The following PSPC1 variants were observed in gnomAD, a reference collection of about 807,000 sequenced individuals.
PSPC1 encodes the protein paraspeckle protein 1.
In PSPC1, 14 loss-of-function variants were observed where a neutral mutation model predicts 51.6. That is an observed-to-expected ratio of 0.27 (90% confidence interval 0.18 to 0.42). The LOEUF is 0.42. Among genes scored for constraint, PSPC1 ranks in the 10% least tolerant of loss-of-function variants. The probability of loss-of-function intolerance (pLI) is 1.00; values close to 1 mark genes in which losing one functional copy is unlikely to be tolerated. For missense variants in PSPC1, 406 were observed against 701.1 expected, an observed-to-expected ratio of 0.58 and a Z score of 4.75; for synonymous variants, 193 against 231.9, an observed-to-expected ratio of 0.83 and a Z score of 1.53.
downstream of PSPC1, chr13:19,699,316 T>G (rs1010682732): frequency 4.1e-5 from 4 of 97,722 alleles, no homozygotes; most frequent in South Asian, 9.0e-4. Flanking sequence ...TAAATTTTTT[T>G]CTGCATTTTT....
intron 3 of PSPC1, among the ~76,000 whole-genome samples, chr13:19,752,009 G>T (rs2138134542): frequency 6.6e-6 from 1 of 152,282 alleles, no homozygotes; most frequent in African/African-American, 2.4e-5. Context: ...AGTGAGCTGA[G>T]ATCCTGCCAC....
Position 19,782,179 on chromosome 13 carries a change from C to T in PSPC1, c.372+207G>A, listed in dbSNP as rs978000174. ...CAGAAAACGGCGGCCACTGTGAGCG[C>T]AGGAAATCCCGGGACCGTGAACTCG... On this transcript the variant is annotated intron_variant, in intron 1 of 8. Transcript: ENST00000338910. This position sits in a 1 kb window ranked among gnomAD's most constrained non-coding sequence, Gnocchi z 4.5. 1.3e-5 allele frequency among the ~76,000 whole-genome samples: 2 copies of T among 152,218 alleles called. No individual in the cohort carries two copies. Among genetic ancestry groups the T allele is most frequent in the African/African-American group, 4.8e-5 (2 of 41,462 alleles).
chr13:19,732,567 A>C (rs1884247942), intron 5 of PSPC1, among the ~76,000 whole-genome samples: 1 of 152,226 alleles, frequency 6.6e-6, no homozygotes, highest in Non-Finnish European at 1.5e-5. Flanking sequence ...TTCACATAAC[A>C]GGAGTTCAGA....
intron 6 of PSPC1, among the ~76,000 whole-genome samples, chr13:19,691,460 C>A (rs1031467843): frequency 1.3e-5 from 2 of 152,086 alleles, no homozygotes; most frequent in South Asian, 4.1e-4. Context: ...GAGTTTGAGG[C>A]TGCGGTGAGC....
chr13:19,747,467 C>G (rs538680684), intron 4 of PSPC1, among the ~76,000 whole-genome samples: 1 of 151,996 alleles, frequency 6.6e-6, no homozygotes, highest in African/African-American at 2.4e-5. Flanking sequence ...CAAGTAGCTG[C>G]AACTACAGAC....
At chr13:19,685,453 G>A (rs1877755926) in intron 6 of PSPC1, among the ~76,000 whole-genome samples, 1 of 152,176 alleles carries the variant, frequency 6.6e-6, no homozygotes, top group African/African-American at 2.4e-5. Context: ...TAGACAAATG[G>A]CCTGTTCACT....
At chr13:19,753,706 G>A (rs989588202) in intron 3 of PSPC1, among the ~76,000 whole-genome samples, 2 of 152,176 alleles carry the variant, frequency 1.3e-5, no homozygotes, top group Non-Finnish European at 2.9e-5. Context: ...GGGTGGGTAT[G>A]ACAAATCTAG....
At chr13:19,728,012 G>A (rs1319874924) in intron 6 of PSPC1, among the ~76,000 whole-genome samples, 1 of 152,122 alleles carries the variant, frequency 6.6e-6, no homozygotes, top group East Asian at 1.9e-4. Context: ...TGTCTTCTAA[G>A]GAAAAATCAA....
chr13:19,738,764 A>G lies in PSPC1; in HGVS notation c.1052+2801T>C, dbSNP rs143812917. The stretch of plus-strand genomic sequence containing the variant: ...CTACTAAAAATACAAAAAAATAGCC[A>G]GGCATGGTGGCACGCGTCTATAGTC... On this transcript the variant is annotated intron_variant, in intron 5 of 8. Coordinates refer to ENST00000338910, the MANE Select transcript of PSPC1 (RefSeq NM_001354909.2). Among the ~76,000 whole-genome samples the G allele has an allele frequency of 4.6e-3, 707 of 152,048 alleles. 5 individuals are homozygous for G. The highest frequency in any genetic ancestry group is 0.027 in the South Asian group (128 of 4,814).
chr13:19,725,177 A>G (rs1002018309), intron 6 of PSPC1, among the ~76,000 whole-genome samples: 8 of 152,098 alleles, frequency 5.3e-5, no homozygotes, highest in Non-Finnish European at 1.0e-4. Flanking sequence ...ACTCCATCTC[A>G]AAAACGAAAA....
intron 7 of PSPC1, among the ~76,000 whole-genome samples, chr13:19,676,162 T>G (rs1876613572): frequency 6.6e-6 from 1 of 152,218 alleles, no homozygotes; most frequent in African/African-American, 2.4e-5. Flanking sequence ...ACAATTTTTT[T>G]TCCTTTCCCA....
rs148331313 is a variant in PSPC1 at position 19,692,941 on chromosome 13, G to A, written c.1159-15118C>T. On this transcript the variant is annotated intron_variant and NMD_transcript_variant, in intron 6 of 7. Coordinates refer to the PSPC1 transcript ENST00000471658. ...TCTCTGCTCCAGAACATTGTTTCCA[G>A]TCCAGTCACTCTTACATTTAACATA... 1.1e-3 allele frequency among the ~76,000 whole-genome samples: 173 copies of A among 152,276 alleles called. 1 individual carries two copies. Among genetic ancestry groups the A allele is most frequent in the Non-Finnish European group, 1.3e-3 (87 of 68,026 alleles).
At chr13:19,706,573 T>C (rs978010585) in intron 7 of PSPC1, among the ~76,000 whole-genome samples, 1 of 152,160 alleles carries the variant, frequency 6.6e-6, no homozygotes, top group Non-Finnish European at 1.5e-5. Context: ...TTTCAAGTTT[T>C]TTCATTAAAA....
chr13:19,676,738 C>T (rs1022450406), intron 7 of PSPC1, among the ~76,000 whole-genome samples: 1 of 152,098 alleles, frequency 6.6e-6, no homozygotes, highest in Non-Finnish European at 1.5e-5. Context: ...TTTAGTATCA[C>T]CAGACAAAAG....
chr13:19,730,961 A>AAAAAAAAAC (rs1441202332), intron 5 of PSPC1, among the ~76,000 whole-genome samples: 13 of 23,510 alleles, frequency 5.5e-4, no homozygotes, highest in South Asian at 3.1e-3. Context: ...AAAAAACAAA[A>AAAAAAAAAC]AAACAAAAAA....
chr13:19,693,054 A>G (rs1253649436), intron 6 of PSPC1, among the ~76,000 whole-genome samples: 1 of 152,156 alleles, frequency 6.6e-6, no homozygotes, highest in Non-Finnish European at 1.5e-5. Flanking sequence ...ACAGTGATCA[A>G]TTATAATCTT....
At chr13:19,733,652 A>G (rs1391809307) in intron 5 of PSPC1, among the ~76,000 whole-genome samples, 1 of 151,672 alleles carries the variant, frequency 6.6e-6, no homozygotes, top group Non-Finnish European at 1.5e-5. Context: ...AATCCCAGCT[A>G]CTCAGGAGGA....
At chr13:19,708,769 A>G (rs1488033489) in intron 7 of PSPC1, among the ~76,000 whole-genome samples, 4 of 152,250 alleles carry the variant, frequency 2.6e-5, no homozygotes, top group African/African-American at 9.6e-5. Flanking sequence ...CTTCAAAGTT[A>G]CACAAAAAGC....
intron 2 of PSPC1, among the ~76,000 whole-genome samples, chr13:19,769,042 A>T (rs1888356568): frequency 6.6e-6 from 1 of 150,862 alleles, no homozygotes; most frequent in South Asian, 2.1e-4. Flanking sequence ...CAGGAGGCTG[A>T]GGCACAATAA....
Sources: gnomAD v4.1 joint callset for allele counts (sites outside exome capture counted in the v4.1 genomes callset) on GRCh38, gnomAD v4.1.1 for gene constraint, Gnocchi (gnomAD v3.1) non-coding constraint, MANE v1.5 for transcripts, NCBI Gene and HGNC (gene_info 2026-07-23, HGNC 2026-07-21) for gene names.